SNTB2: variants seen among roughly 807,000 people sequenced by gnomAD.
SNTB2 encodes beta-2-syntrophin.
Under a neutral mutation model 46.2 loss-of-function variants are expected in SNTB2, and 34 were observed. The ratio of observed to expected loss-of-function variants is 0.74; its 90% confidence interval spans 0.56 to 0.98. The LOEUF (loss-of-function observed/expected upper bound fraction) is 0.98, where lower values mean the gene tolerates loss of function less well. Among genes scored for constraint, SNTB2 ranks in the 50% least tolerant of loss-of-function variants. SNTB2 has a pLI of 0.00. For synonymous variants in SNTB2, 290 were observed against 312.6 expected, an observed-to-expected ratio of 0.93 and a Z score of 0.76; for missense variants, 603 against 731.4, an observed-to-expected ratio of 0.82 and a Z score of 2.02.
intron 1 of SNTB2, among the ~76,000 whole-genome samples, chr16:69,230,672 T>C (rs1964498180): frequency 6.8e-6 from 1 of 147,944 alleles, no homozygotes; most frequent in Admixed American, 6.8e-5. Flanking sequence ...GGTTCATTTT[T>C]TCAAAAAGTA....
At position 69,267,167 on chromosome 16, in the gene SNTB2, A is replaced by G. The variant is rs143156204; in HGVS notation, c.1006-2976A>G. Among the ~76,000 whole-genome samples the G allele has an allele frequency of 6.5e-3, 994 of 152,062 alleles. 23 individuals carry two copies. Among genetic ancestry groups the G allele is most frequent in the South Asian group, 4.4e-3 (21 of 4,822 alleles). On this transcript the variant is annotated intron_variant, in intron 3 of 6. Transcript: ENST00000336278. ...CTCAGCCTTCTGAGTAGCTGGGACTACAGGCGCGTGCCACCATGCCCAGCT... is the reference window on the plus strand; with the variant it reads ...CTCAGCCTTCTGAGTAGCTGGGACTGCAGGCGCGTGCCACCATGCCCAGCT...
In SNTB2 at chr16:69,245,833, A is replaced by T; in HGVS notation, c.794+18A>T. On this transcript the variant is annotated intron_variant, in intron 2 of 6. Transcript: ENST00000336278. ...GAAAACAGGTGAGGTGTACCTAACA[A>T]GAACATCATACCTACAGCTTTACAA... 2 of 1,609,264 alleles carry T rather than the reference A, an allele frequency of 1.2e-6. No individual in the cohort carries two copies. Among genetic ancestry groups the T allele is most frequent in the Middle Eastern group, 3.3e-4 (2 of 6,054 alleles).
chr16:69,205,316 ATTTTTTT>A lies in SNTB2; in HGVS notation c.580+17587_580+17593del, dbSNP rs34575541. 8.9e-4 allele frequency among the ~76,000 whole-genome samples: 116 copies of A among 130,982 alleles called. 1 individual carries two copies. In the East Asian group the frequency reaches 0.015, roughly 17 times the overall value. The allele number at this position is 130,982 out of a possible 152,430, so 85.9% of individuals were successfully genotyped here. A position where few individuals can be genotyped will look rare whatever the true frequency, so the allele number is the denominator to read the frequency against. ...AGGCACGCGCCACCACGCTTGGCAA[ATTTTTTT>A]TTTTTTTTTTTTTTTTAATTATACT... On this transcript the variant is annotated intron_variant, in intron 1 of 6. Transcript: ENST00000336278.
intron 3 of SNTB2, among the ~76,000 whole-genome samples, chr16:69,264,723 C>A (rs1441706122): frequency 6.6e-6 from 1 of 152,002 alleles, no homozygotes; most frequent in East Asian, 1.9e-4. Flanking sequence ...AGTTCCTGAA[C>A]CAGTAGAAGA....
Position 69,285,618 on chromosome 16 carries a change from T to A in SNTB2, c.1345+1374T>A, listed in dbSNP as rs1175434309. Among the ~76,000 whole-genome samples, 3 of 151,352 alleles carry A rather than the reference T, an allele frequency of 2.0e-5. No individual in the cohort carries two copies. In the East Asian group the frequency reaches 5.8e-4, roughly 29 times the overall value. On this transcript the variant is annotated intron_variant, in intron 5 of 6. Transcript: ENST00000336278. ...CTCAAGCCTCCCGAGTAGCTGGGAC[T>A]ACAGGTGCCCACCACAGCACCCAGC...
intron 1 of SNTB2, among the ~76,000 whole-genome samples, chr16:69,194,985 G>T (rs1480459576): frequency 6.6e-6 from 1 of 152,172 alleles, no homozygotes. Flanking sequence ...TTAGGTACAG[G>T]TGAGCTTGTT....
chr16:69,259,894 G>A (rs895163411), intron 2 of SNTB2, among the ~76,000 whole-genome samples, 156 bp from the exon 3 acceptor site: 28 of 152,124 alleles, frequency 1.8e-4, no homozygotes, highest in Non-Finnish European at 7.3e-5. Flanking sequence ...ACAGGCATGA[G>A]CCACCGTGCC....
Position 69,260,161 on chromosome 16 carries a change from C to A in SNTB2, c.906C>A (p.Leu302=), listed in dbSNP as rs766670656. 7.4e-6 allele frequency: 12 copies of A among 1,614,126 alleles called. No individual in the cohort carries two copies. The highest frequency in any genetic ancestry group is 1.0e-5 in the Non-Finnish European group (12 of 1,180,042). The part of the protein sequence containing the change: ...FVAIHTNIMA[L]LPQVLAELNA... ...CTATCCACACCAACATAATGGCTCTCCTCCCACAGGTGTTGGCTGAACTCA... is the reference window on the plus strand; with the variant it reads ...CTATCCACACCAACATAATGGCTCTACTCCCACAGGTGTTGGCTGAACTCA... Residue 302 remains leucine, a synonymous_variant, in exon 3 of 7, where the codon CTC becomes CTA. Transcript: ENST00000336278.
chr16:69,213,997 T>G (rs139294230), intron 1 of SNTB2, among the ~76,000 whole-genome samples: 3,721 of 147,632 alleles, frequency 0.025, 158 homozygotes, highest in African/African-American at 0.088. Context: ...AATTTTTTTG[T>G]AGTTTTTAGT....
At chr16:69,190,509 C>G (rs1453391724) in intron 1 of SNTB2, among the ~76,000 whole-genome samples, 1 of 152,156 alleles carries the variant, frequency 6.6e-6, no homozygotes, top group Non-Finnish European at 1.5e-5. Flanking sequence ...TGTGGGGAAA[C>G]GGAGAAGTAA....
At chr16:69,219,506 A>G (rs1322524779) in intron 1 of SNTB2, among the ~76,000 whole-genome samples, 1 of 152,208 alleles carries the variant, frequency 6.6e-6, no homozygotes, top group Non-Finnish European at 1.5e-5. Context: ...TACTACACAT[A>G]TGATTAGAAT....
At chr16:69,300,802 G>A in intron 6 of SNTB2, 30 bp from the exon 7 acceptor site, 1 of 1,377,056 alleles carries the variant, frequency 7.3e-7, no homozygotes, top group Non-Finnish European at 1.0e-6. Context: ...TGGTAGTGAG[G>A]TAGTGATGCT....
At chr16:69,222,717 C>T (rs1597178013) in intron 1 of SNTB2, among the ~76,000 whole-genome samples, 2 of 151,952 alleles carry the variant, frequency 1.3e-5, no homozygotes, top group Admixed American at 6.6e-5. Flanking sequence ...AGGAAAGATA[C>T]GTTTTATTAG....
intron 1 of SNTB2, among the ~76,000 whole-genome samples, chr16:69,195,554 T>C: frequency 6.6e-6 from 1 of 151,950 alleles, no homozygotes; most frequent in East Asian, 1.9e-4. Context: ...CGGGGGTGGA[T>C]CTAGGTTTAG....
chr16:69,300,951 G>T lies in SNTB2; in HGVS notation c.*27G>T. Reference sequence around the variant, plus strand: ...CAACAAAAAATCAGAAAAGAGCCTTGACTGTCACAAGAAATATTTCCACCT... The same window carrying T: ...CAACAAAAAATCAGAAAAGAGCCTTTACTGTCACAAGAAATATTTCCACCT... On this transcript the variant is annotated 3_prime_UTR_variant, in exon 7 of 7. Coordinates refer to ENST00000336278, the MANE Select transcript of SNTB2 (RefSeq NM_006750.4). 7.2e-7 allele frequency: 1 copy of T among 1,391,762 alleles called. No individual in the cohort carries two copies. Among genetic ancestry groups the T allele is most frequent in the South Asian group, 1.2e-5 (1 of 84,530 alleles). The allele number at this position is 1,391,762 out of a possible 1,614,324, so 86.2% of individuals were successfully genotyped here. A position where few individuals can be genotyped will look rare whatever the true frequency, so the allele number is the denominator to read the frequency against.
intron 2 of SNTB2, among the ~76,000 whole-genome samples, chr16:69,249,059 C>CCCCTCG: frequency 6.8e-6 from 1 of 147,474 alleles, no homozygotes; most frequent in South Asian, 2.2e-4. Context: ...GGGCTTCACT[C>CCCCTCG]CCCTCGCCTA....
At chr16:69,251,682 G>A (rs969925738) in intron 2 of SNTB2, among the ~76,000 whole-genome samples, 2 of 151,990 alleles carry the variant, frequency 1.3e-5, no homozygotes, top group African/African-American at 4.8e-5. Context: ...GGAGGCTGAG[G>A]GAGGAGAATC....
intron 5 of SNTB2, among the ~76,000 whole-genome samples, chr16:69,286,713 G>GA (rs111268474): frequency 0.013 from 1,488 of 114,506 alleles, 15 homozygotes; most frequent in Middle Eastern, 0.084. Flanking sequence ...TTAATTAAAT[G>GA]AAAAAAAAAA....
intron 4 of SNTB2, 124 bp downstream of exon 4, chr16:69,270,409 T>C: frequency 1.7e-6 from 2 of 1,199,822 alleles, no homozygotes; most frequent in East Asian, 5.1e-5. Flanking sequence ...ATATAGTTGA[T>C]GCAGACAAAA....
Sources: gnomAD v4.1 joint callset for allele counts (sites outside exome capture counted in the v4.1 genomes callset) on GRCh38, gnomAD v4.1.1 for gene constraint, MANE v1.5 for transcripts, NCBI Gene and HGNC (gene_info 2026-07-23, HGNC 2026-07-21) for gene names.